NAF1: variants seen among roughly 807,000 people sequenced by gnomAD.
The protein encoded by NAF1 is nuclear assembly factor 1 ribonucleoprotein.
In NAF1, 11 loss-of-function variants were observed where a neutral mutation model predicts 40.6. That is an observed-to-expected ratio of 0.27 (90% CI 0.17 to 0.45). NAF1 has a LOEUF of 0.45. Ranked by LOEUF, NAF1 falls within the 20% of genes least tolerant of loss-of-function variation. The pLI is 1.00. For missense variants in NAF1, 607 were observed against 611.1 expected (o/e 0.99, Z 0.07); for synonymous variants, 260 against 228.5 (o/e 1.14, Z -1.24).
At chr4:163,106,741 T>C (rs1730055497), downstream of NAF1, among the ~76,000 whole-genome samples, 1 of 152,172 alleles carries the variant, frequency 6.6e-6, no homozygotes. Flanking sequence ...TTCTGAGGTA[T>C]GTTTTCTGAG....
At chr4:163,165,338 G>A (rs745503669) in intron 1 of NAF1, among the ~76,000 whole-genome samples, 2 of 152,188 alleles carry the variant, frequency 1.3e-5, no homozygotes, top group Non-Finnish European at 2.9e-5. Context: ...AGAGTCAGAA[G>A]TAGTATCCTG....
chr4:163,129,161 T>C lies in NAF1; in HGVS notation c.1221A>G (p.Ser407=). The change falls in exon 8 of 8, where the codon TCA becomes TCG. Residue 407 remains serine (S), a synonymous_variant. Coordinates refer to ENST00000274054, the MANE Select transcript of NAF1 (RefSeq NM_138386.3). ...NSEHMVSQET[S]GFPSQRQNNP... is the part of the protein sequence containing the mutation. ...TATTTTGTCTCTGAGAAGGAAATCC[T>C]GAAGTCTCCTGAGATACCATATGTT... 6.2e-7 allele frequency: 1 copy of C among 1,614,054 alleles called. No homozygotes were observed. Among genetic ancestry groups the C allele is most frequent in the East Asian group, 2.2e-5 (1 of 44,880 alleles).
At position 163,166,634 on chromosome 4, in the gene NAF1, G is replaced by C. The variant is rs1732489296; in HGVS notation, c.94C>G (p.Pro32Ala). ...GVGEGPAAPSPGSAPVPGTQP... is the reference protein window; with the variant it reads ...GVGEGPAAPSAGSAPVPGTQP... Reference sequence around the variant, plus strand: ...GTCCCTGGCACAGGGGCAGAGCCCGGAGACGGAGCCGCCGGACCTTCCCCA... The same window carrying C: ...GTCCCTGGCACAGGGGCAGAGCCCGCAGACGGAGCCGCCGGACCTTCCCCA... The change falls in exon 1 of 8, where the codon CCG becomes GCG. Residue 32 changes from proline to alanine, a missense_variant. Pro to Ala is a conservative substitution (Grantham distance 27). Around this residue, in one of 3 missense-constraint regions of NAF1, gnomAD observed 407 missense variants for 365.5 expected, o/e 1.11. Coordinates refer to ENST00000274054, the MANE Select transcript of NAF1 (RefSeq NM_138386.3). 6 of 1,612,292 alleles carry C rather than the reference G, an allele frequency of 3.7e-6. No individual in the cohort carries two copies. Among genetic ancestry groups the C allele is most frequent in the Non-Finnish European group, 4.2e-6 (5 of 1,179,720 alleles).
downstream of NAF1, among the ~76,000 whole-genome samples, chr4:163,127,700 G>A (rs1730706777): frequency 6.6e-6 from 1 of 152,180 alleles, no homozygotes; most frequent in Admixed American, 6.5e-5. Context: ...CCAAGGCAGA[G>A]CCTCTCAACT....
downstream of NAF1, among the ~76,000 whole-genome samples, chr4:163,123,313 C>T (rs952799218): frequency 1.3e-5 from 2 of 152,224 alleles, no homozygotes; most frequent in African/African-American, 4.8e-5. Context: ...ATGACCGAAA[C>T]ACCTCCACGA....
intron 6 of NAF1, chr4:163,135,493 A>C (rs1731019353): frequency 6.6e-6 from 1 of 152,238 alleles, no homozygotes; most frequent in Non-Finnish European, 1.5e-5. Flanking sequence ...GGGATTCATT[A>C]GAATATCTGG....
At chr4:163,166,264 A>C in intron 1 of NAF1, 99 bp downstream of exon 1, 32 of 1,379,576 alleles carry the variant, frequency 2.3e-5, no homozygotes, top group African/African-American at 3.0e-5. Context: ...CCCACCCTCC[A>C]GGGCCCACAC....
rs150321686 is a variant in NAF1, at chr4:163,132,707, T to C, written c.1033+447A>G. Among the ~76,000 whole-genome samples, 5 of 152,308 alleles carry C rather than the reference T, an allele frequency of 3.3e-5. No homozygotes were observed. In the East Asian group the frequency reaches 5.8e-4, roughly 18 times the overall value. ...GTTCCATATATAGTTATGCAAGATG[T>C]TGCAACTGGGGGAAACTGAATAAAG... On this transcript the variant is annotated intron_variant, in intron 7 of 7. Transcript: ENST00000274054.
intron 2 of NAF1, among the ~76,000 whole-genome samples, chr4:163,115,097 A>C (rs996148954): frequency 6.6e-6 from 1 of 152,128 alleles, no homozygotes; most frequent in African/African-American, 2.4e-5. Context: ...ATCATAAATA[A>C]ATTTCAAAAC....
intron 2 of NAF1, among the ~76,000 whole-genome samples, chr4:163,153,155 C>G (rs1332814511): frequency 1.3e-5 from 2 of 152,204 alleles, no homozygotes; most frequent in Non-Finnish European, 2.9e-5. Context: ...CTGTGCAGCC[C>G]GAGCCTCCCG....
chr4:163,163,889 T>A (rs570829356), intron 2 of NAF1, among the ~76,000 whole-genome samples: 1 of 152,066 alleles, frequency 6.6e-6, no homozygotes, highest in South Asian at 2.1e-4. Context: ...TTGAGCAAAA[T>A]TTTCTGACGT....
intron 2 of NAF1, chr4:163,117,597 A>C (rs1730378337): frequency 6.6e-6 from 1 of 151,598 alleles, no homozygotes; most frequent in Non-Finnish European, 1.5e-5. Context: ...TATTTTACAA[A>C]GTAGAGAAAA....
chr4:163,111,364 C>T (rs1730153972), intron 2 of NAF1, among the ~76,000 whole-genome samples: 1 of 152,096 alleles, frequency 6.6e-6, no homozygotes, highest in Non-Finnish European at 1.5e-5. Context: ...TTATTCCCTC[C>T]CCATCTCTGA....
At chr4:163,141,222 G>A (rs200827043) in intron 4 of NAF1, among the ~76,000 whole-genome samples, 2 of 152,160 alleles carry the variant, frequency 1.3e-5, no homozygotes, top group East Asian at 3.9e-4. Context: ...AAAATTAGCC[G>A]GGTGTGGTGG....
At chr4:163,113,330 C>T (rs1240475824) in intron 2 of NAF1, among the ~76,000 whole-genome samples, 1 of 151,970 alleles carries the variant, frequency 6.6e-6, no homozygotes, top group African/African-American at 2.4e-5. Flanking sequence ...ATTCACTTCT[C>T]CACTTTCATA....
chr4:163,164,197 T>C lies in NAF1; in HGVS notation c.540+20A>G. The C allele has an allele frequency of 6.7e-7, 1 of 1,500,882 alleles. No individual in the cohort carries two copies. The highest frequency in any genetic ancestry group is 8.9e-7 in the Non-Finnish European group (1 of 1,125,744). 93.0% of individuals were successfully genotyped at this position (1,500,882 alleles called of 1,614,324 possible). A position where few individuals can be genotyped will look rare whatever the true frequency, so the allele number is the denominator to read the frequency against. On this transcript the variant is annotated intron_variant, in intron 2 of 7. Transcript: ENST00000274054. ...CGTTTTAAAACATGCAAACTAAGCT[T>C]AATAAATCTAAGTACTTACATTAAG...
chr4:163,165,141 C>G (rs1323883739), intron 1 of NAF1, among the ~76,000 whole-genome samples: 1 of 152,210 alleles, frequency 6.6e-6, no homozygotes, highest in Non-Finnish European at 1.5e-5. Context: ...TCTCTGACGG[C>G]ATACTGGCCA....
chr4:163,141,910 T>A, intron 4 of NAF1: 1 of 974,594 alleles, frequency 1.0e-6, no homozygotes, highest in Non-Finnish European at 1.2e-6. Context: ...TTAATTTTCA[T>A]TAAGGCGTAA....
intron 4 of NAF1, among the ~76,000 whole-genome samples, chr4:163,141,455 C>A (rs768718098): frequency 4.6e-5 from 7 of 152,066 alleles, no homozygotes; most frequent in Non-Finnish European, 1.0e-4. Flanking sequence ...TAAGACCATA[C>A]TGTAGTTTTG....
Sources: allele counts gnomAD v4.1 joint callset (sites outside exome capture counted in the v4.1 genomes callset), GRCh38; gene constraint gnomAD v4.1.1; regional missense constraint gnomAD v4.1.1; transcripts MANE v1.5; gene names NCBI Gene and HGNC (gene_info 2026-07-23, HGNC 2026-07-21).